Variants in SYNE2 observed in about 807,000 individuals in gnomAD.
The protein encoded by SYNE2 is nesprin-2.
In SYNE2, 431 loss-of-function variants were observed where a neutral mutation model predicts 856.3. That is an observed-to-expected ratio of 0.50 (90% confidence interval 0.47 to 0.55). SYNE2 has a LOEUF of 0.55. Among genes scored for constraint, SYNE2 ranks in the 20% least tolerant of loss-of-function variants. The probability of loss-of-function intolerance (pLI) is 0.00; values close to 1 mark genes in which losing one functional copy is unlikely to be tolerated. For missense variants in SYNE2, 8,129 were observed against 8,023.2 expected (o/e 1.01, Z -0.50); for synonymous variants, 2,923 against 2,872.3 (o/e 1.02, Z -0.56).
At position 64,070,854 on chromosome 14, in the gene SYNE2, T is replaced by G; in HGVS notation, c.10641T>G (p.Ala3547=). The change falls in exon 52 of 116, where the codon GCT becomes GCG. Residue 3547 remains alanine (A), a synonymous_variant. Coordinates refer to ENST00000555002, the MANE Select transcript of SYNE2 (RefSeq NM_182914.3). ...AGAATGTTCCTGAAAGCTCAGGGGC[T>G]GTGGAAACTGTTCCAGCATTTCAAG... The part of the protein sequence containing the change: ...SIQNVPESSG[A]VETVPAFQEI... 1 of 1,614,198 alleles carries G rather than the reference T, an allele frequency of 6.2e-7. No individual in the cohort carries two copies. Among genetic ancestry groups the G allele is most frequent in the Non-Finnish European group, 8.5e-7 (1 of 1,180,010 alleles).
chr14:64,074,087 TC>T lies in SYNE2; in HGVS notation c.10819del (p.Gln3607LysfsTer27). On this transcript the variant is annotated frameshift_variant, in exon 53 of 116. Transcript: ENST00000555002. LOFTEE classifies it high-confidence loss of function. ...TTCTTTCAACAGACCACAACTTCAT[TC>T]CAAAATATGGCATTCCAGGATCACC... Reference protein sequence around the residue: ...KNFFQQTTTSFQNMAFQDHPE... With the variant: ...KNFFQQTTTSXQNMAFQDHPE... 5 of 1,614,202 alleles carry T rather than the reference TC, an allele frequency of 3.1e-6. No individual in the cohort carries two copies. The highest frequency in any genetic ancestry group is 4.2e-6 in the Non-Finnish European group (5 of 1,180,022).
intron 42 of SYNE2, 100 bp from the exon 43 acceptor site, chr14:64,027,384 T>G (rs2096989083): frequency 2.7e-6 from 2 of 734,156 alleles, no homozygotes. Flanking sequence ...TATATTAGTG[T>G]TATTTTAATG....
At chr14:64,003,542 T>C (rs761499687) in intron 30 of SYNE2, among the ~76,000 whole-genome samples, 7 of 152,228 alleles carry the variant, frequency 4.6e-5, no homozygotes, top group Non-Finnish European at 1.0e-4. Context: ...TTTTTTCCTC[T>C]TTAAAGTGTA....
rs758862995 is a variant in SYNE2, at chr14:64,080,617, T to TAGA, written c.11327_11329dup (p.Arg3776dup). 97 of 1,614,054 alleles carry TAGA rather than the reference T, an allele frequency of 6.0e-5. No individual in the cohort carries two copies. The highest frequency in any genetic ancestry group is 8.0e-5 in the Non-Finnish European group (94 of 1,180,024). On this transcript the variant is annotated inframe_insertion, in exon 56 of 116. Transcript: ENST00000555002. ...AGCAAGTATCACAGAGAGCAGAGTG[T>TAGA]AGAACCTCACAGTTGAATAAGGTAT...
chr14:64,209,751 T>A, intron 102 of SYNE2, 173 bp downstream of exon 102: 1 of 1,138,238 alleles, frequency 8.8e-7, no homozygotes, highest in Non-Finnish European at 1.3e-6. Flanking sequence ...ATTGCTGATG[T>A]ACTCCAGCTG....
chr14:63,883,748 G>T (rs2094918819), intron 1 of SYNE2, among the ~76,000 whole-genome samples: 1 of 152,138 alleles, frequency 6.6e-6, no homozygotes, highest in Non-Finnish European at 1.5e-5. Context: ...TCCTCTACAG[G>T]GCTATTTTGA....
chr14:64,148,697 G>A (rs576043355), intron 84 of SYNE2, among the ~76,000 whole-genome samples: 1 of 152,142 alleles, frequency 6.6e-6, no homozygotes, highest in South Asian at 2.1e-4. Flanking sequence ...CTGCTTGGAT[G>A]CCTCTTTGTA....
intron 61 of SYNE2, among the ~76,000 whole-genome samples, 172 bp downstream of exon 61, chr14:64,093,652 T>A (rs2097649668): frequency 6.6e-6 from 1 of 152,210 alleles, no homozygotes; most frequent in South Asian, 2.1e-4. Context: ...CCCTATTTCA[T>A]AAAATAGATG....
chr14:63,815,171 CAT>C (rs1339803529), intron 1 of SYNE2, among the ~76,000 whole-genome samples: 3 of 72,314 alleles, frequency 4.1e-5, no homozygotes, highest in African/African-American at 7.8e-5. Context: ...TATATATCCA[CAT>C]ATATATCCAT....
chr14:64,116,272 T>C (rs2097853336), intron 66 of SYNE2, among the ~76,000 whole-genome samples: 1 of 152,084 alleles, frequency 6.6e-6, no homozygotes. Context: ...ATTAAAGACA[T>C]AAATTAAAAC....
intron 95 of SYNE2, among the ~76,000 whole-genome samples, chr14:64,175,972 T>C (rs538563512): frequency 6.6e-6 from 1 of 152,366 alleles, no homozygotes. Flanking sequence ...ATAATGATAA[T>C]TGCAAATAAC....
chr14:64,110,317 G>T (rs2097796016), intron 65 of SYNE2, among the ~76,000 whole-genome samples: 1 of 152,142 alleles, frequency 6.6e-6, no homozygotes, highest in African/African-American at 2.4e-5. Flanking sequence ...TCAGTGTTGT[G>T]TTGATGCAGA....
At chr14:64,121,709 A>G (rs2097900123) in intron 68 of SYNE2, among the ~76,000 whole-genome samples, 1 of 152,182 alleles carries the variant, frequency 6.6e-6, no homozygotes, top group Admixed American at 6.5e-5. Flanking sequence ...CTTACATCTT[A>G]TATCAGCTGT....
intron 45 of SYNE2, among the ~76,000 whole-genome samples, chr14:64,046,721 G>A (rs767027488): frequency 1.3e-5 from 2 of 152,268 alleles, no homozygotes; most frequent in Admixed American, 6.5e-5. Context: ...GAGGCACCTC[G>A]TCTACTTGGT....
At chr14:63,897,917 A>C (rs2095279288) in intron 1 of SYNE2, among the ~76,000 whole-genome samples, 1 of 152,232 alleles carries the variant, frequency 6.6e-6, no homozygotes. Flanking sequence ...CCAGAGGAAC[A>C]GCGAGCATGT....
rs150694816 is a variant in SYNE2 at position 63,912,776 on chromosome 14, C to T, written c.79+3549C>T. Among the ~76,000 whole-genome samples the T allele has an allele frequency of 1.7e-3, 258 of 152,254 alleles. 1 individual carries two copies. Among genetic ancestry groups the T allele is most frequent in the African/African-American group, 5.7e-3 (237 of 41,544 alleles). ...TAATATGCTATGAAAGCATATAGCC[C>T]GTATGTACAGGGCCTAAAAGGAATC... is the stretch of plus-strand genomic sequence containing the variant. On this transcript the variant is annotated intron_variant, in intron 2 of 115. Coordinates refer to ENST00000555002, the MANE Select transcript of SYNE2 (RefSeq NM_182914.3).
intron 63 of SYNE2, among the ~76,000 whole-genome samples, chr14:64,101,088 T>G (rs1595525554): frequency 6.6e-6 from 1 of 152,216 alleles, no homozygotes; most frequent in South Asian, 2.1e-4. Flanking sequence ...GTATCTTGGT[T>G]GTTGTGAACA....
chr14:64,005,160 C>G (rs1004228567), intron 30 of SYNE2, among the ~76,000 whole-genome samples: 2 of 152,166 alleles, frequency 1.3e-5, no homozygotes, highest in African/African-American at 4.8e-5. Flanking sequence ...ATGACTTTGG[C>G]TTGTTCTTCA....
chr14:63,886,302 G>A (rs2094984121), intron 1 of SYNE2, among the ~76,000 whole-genome samples: 1 of 152,136 alleles, frequency 6.6e-6, no homozygotes, highest in Non-Finnish European at 1.5e-5. Context: ...GTAATTGAGA[G>A]CTAATGGTCC....
Sources: allele counts gnomAD v4.1 joint callset (sites outside exome capture counted in the v4.1 genomes callset), GRCh38; gene constraint gnomAD v4.1.1; transcripts MANE v1.5; gene names NCBI Gene and HGNC (gene_info 2026-07-23, HGNC 2026-07-21).